PDE4B: variants seen among roughly 807,000 people sequenced by gnomAD.
The protein encoded by PDE4B is phosphodiesterase 4B, also known as 3',5'-cyclic-AMP phosphodiesterase 4B.
In PDE4B, 20 loss-of-function variants were observed where a neutral mutation model predicts 82.2. That is an observed-to-expected ratio of 0.24 (90% CI 0.17 to 0.35). The LOEUF is 0.35. Among genes scored for constraint, PDE4B ranks in the 10% least tolerant of loss-of-function variants. PDE4B has a pLI of 1.00. For missense variants in PDE4B, 655 were observed against 907.2 expected, an observed-to-expected ratio of 0.72 and a Z score of 3.57; for synonymous variants, 320 against 318.9, an observed-to-expected ratio of 1.00 and a Z score of -0.04.
intron 3 of PDE4B, among the ~76,000 whole-genome samples, chr1:65,930,106 T>C (rs565344557): frequency 2.8e-4 from 43 of 151,966 alleles, no homozygotes; most frequent in Admixed American, 2.0e-3. Flanking sequence ...GAACTTGGAG[T>C]CCAATGTTTG....
rs762998761 is a variant in PDE4B at position 66,306,343 on chromosome 1, G to A, written c.635-26165G>A. Among the ~76,000 whole-genome samples, 8 of 151,978 alleles carry A rather than the reference G, an allele frequency of 5.3e-5. No homozygotes were observed. The East Asian group carries it at 5.8e-4, about 11-fold the overall frequency. ...CAAATGAAGAAAAGCAATCTGATGC[G>A]GTGTAAAAACATGGAGACCAGTAAG... On this transcript the variant is annotated intron_variant, in intron 7 of 16. Coordinates refer to ENST00000341517, the MANE Select transcript of PDE4B (RefSeq NM_002600.4).
intron 7 of PDE4B, among the ~76,000 whole-genome samples, chr1:66,327,416 G>GC (rs981378394): frequency 6.6e-6 from 1 of 152,202 alleles, no homozygotes; most frequent in African/African-American, 2.4e-5. Flanking sequence ...CAACAATGGT[G>GC]ATCTCTGACT....
At position 66,367,945 on chromosome 1, in the gene PDE4B, G is replaced by C. The variant is rs773017379; in HGVS notation, c.1542G>C (p.Val514=). 5 of 1,613,520 alleles carry C rather than the reference G, an allele frequency of 3.1e-6. No individual in the cohort carries two copies. In the Admixed American group the frequency reaches 8.3e-5, roughly 27 times the overall value. ...TTTTCATTTTCTTTTTACCCAAGGT[G>C]TTAGCAACTGATATGTCTAAACATA... ...QTLRKMVIDM[V]LATDMSKHMS... The change falls in exon 15 of 17, where the codon GTG becomes GTC. Residue 514 remains valine, a splice_region_variant and synonymous_variant. Coordinates refer to ENST00000341517, the MANE Select transcript of PDE4B (RefSeq NM_002600.4).
intron 3 of PDE4B, among the ~76,000 whole-genome samples, chr1:66,212,869 C>A (rs1407912228): frequency 6.6e-6 from 1 of 152,168 alleles, no homozygotes; most frequent in African/African-American, 2.4e-5. Context: ...AATACAGCAA[C>A]GAGACCTCTC....
At chr1:65,929,146 C>T (rs1006240536) in intron 3 of PDE4B, among the ~76,000 whole-genome samples, 1 of 152,124 alleles carries the variant, frequency 6.6e-6, no homozygotes, top group East Asian at 1.9e-4. Context: ...AGCAAACAGG[C>T]AGGTTGGGGG....
intron 3 of PDE4B, among the ~76,000 whole-genome samples, chr1:65,975,037 G>A (rs1289746313): frequency 6.6e-6 from 1 of 152,198 alleles, no homozygotes; most frequent in Non-Finnish European, 1.5e-5. Context: ...ACAGTTTGGA[G>A]GACTCAGAAT....
At chr1:66,068,501 T>C (rs1411696531) in intron 3 of PDE4B, among the ~76,000 whole-genome samples, 1 of 151,972 alleles carries the variant, frequency 6.6e-6, no homozygotes, top group Non-Finnish European at 1.5e-5. Flanking sequence ...ATTCCTGAAT[T>C]TGGAATTGAT....
intron 1 of PDE4B, among the ~76,000 whole-genome samples, chr1:65,893,033 A>C (rs1646869361): frequency 6.6e-6 from 1 of 152,004 alleles, no homozygotes; most frequent in South Asian, 2.1e-4. Flanking sequence ...GTACCCCCTA[A>C]AGGAGGAAGA....
chr1:66,304,059 A>T (rs1030114360), intron 7 of PDE4B, among the ~76,000 whole-genome samples: 1 of 152,196 alleles, frequency 6.6e-6, no homozygotes, highest in Non-Finnish European at 1.5e-5. Context: ...ATTCAGGAAG[A>T]TACAGAACCC....
intron 8 of PDE4B, among the ~76,000 whole-genome samples, chr1:66,334,471 G>A (rs1660356149): frequency 1.3e-5 from 2 of 152,198 alleles, no homozygotes; most frequent in Non-Finnish European, 2.9e-5. Context: ...GTAGACACGG[G>A]TGAGGATTCC....
At chr1:66,267,478 T>A (rs1473696692) in intron 7 of PDE4B, 2 of 152,252 alleles carry the variant, frequency 1.3e-5, no homozygotes, top group Non-Finnish European at 2.9e-5. Flanking sequence ...GACTATGTTT[T>A]CTTTTTCTTG....
chr1:66,057,577 G>T (rs544636206), intron 3 of PDE4B, among the ~76,000 whole-genome samples: 22 of 152,180 alleles, frequency 1.4e-4, no homozygotes, highest in Non-Finnish European at 2.8e-4. Context: ...GTTCCACATG[G>T]CTGGGAGGCT....
intron 7 of PDE4B, among the ~76,000 whole-genome samples, chr1:66,267,791 A>T (rs1169151038): frequency 6.6e-6 from 1 of 152,164 alleles, no homozygotes; most frequent in African/African-American, 2.4e-5. Context: ...AATCTCCTTA[A>T]CGTTTAGCCA....
intron 3 of PDE4B, among the ~76,000 whole-genome samples, chr1:66,225,250 T>C (rs1418709190): frequency 6.6e-6 from 1 of 152,226 alleles, no homozygotes; most frequent in Non-Finnish European, 1.5e-5. Flanking sequence ...TTTTATTTTC[T>C]CACCCCCCGT....
intron 1 of PDE4B, among the ~76,000 whole-genome samples, chr1:65,810,176 G>A (rs1469487865): frequency 6.6e-6 from 1 of 152,144 alleles, no homozygotes; most frequent in African/African-American, 2.4e-5. Context: ...ATAAATTATG[G>A]GATATTCCAA....
intron 1 of PDE4B, among the ~76,000 whole-genome samples, chr1:65,911,967 A>G (rs534438844): frequency 1.3e-5 from 2 of 152,020 alleles, no homozygotes; most frequent in Non-Finnish European, 2.9e-5. Context: ...CATGCTGTTA[A>G]TCTATATATA....
intron 7 of PDE4B, among the ~76,000 whole-genome samples, chr1:66,315,800 C>CT (rs886344993): frequency 3.2e-4 from 48 of 152,116 alleles, no homozygotes; most frequent in African/African-American, 1.2e-3. Context: ...CAGTGGCCTT[C>CT]TTTTTTTTGA....
At chr1:65,818,769 G>A (rs1645916619) in intron 1 of PDE4B, among the ~76,000 whole-genome samples, 1 of 151,312 alleles carries the variant, frequency 6.6e-6, no homozygotes, top group African/African-American at 2.4e-5. Context: ...GGAGGCAGAT[G>A]TTATTATACA....
intron 3 of PDE4B, among the ~76,000 whole-genome samples, chr1:66,201,629 G>A (rs577464296): frequency 1.3e-5 from 2 of 151,126 alleles, no homozygotes; most frequent in Admixed American, 1.3e-4. Flanking sequence ...TAGTTTATTT[G>A]CGTAGAGGTG....
Sources: allele counts gnomAD v4.1 joint callset (sites outside exome capture counted in the v4.1 genomes callset), GRCh38; gene constraint gnomAD v4.1.1; transcripts MANE v1.5; gene names NCBI Gene and HGNC (gene_info 2026-07-23, HGNC 2026-07-21).